The following CASP10 variants were observed in gnomAD, a reference collection of about 807,000 sequenced individuals.
The protein encoded by CASP10 is caspase 10.
Under a neutral mutation model 48.5 loss-of-function variants are expected in CASP10, and 41 were observed. The observed-to-expected ratio is 0.85, with a 90% CI of 0.66 to 1.10. The LOEUF (loss-of-function observed/expected upper bound fraction) is 1.10, where lower values mean the gene tolerates loss of function less well. Among genes scored for constraint, CASP10 ranks in the 50% least tolerant of loss-of-function variants. The pLI is 0.00. For missense variants in CASP10, 614 were observed against 614.5 expected (o/e 1.00, Z 0.01); for synonymous variants, 232 against 238.4 (o/e 0.97, Z 0.25).
At position 201,221,210 on chromosome 2, in the gene CASP10, A is replaced by T. The variant is rs1250866127; in HGVS notation, c.*3469A>T. On this transcript the variant is annotated 3_prime_UTR_variant, in exon 10 of 10. Coordinates refer to ENST00000286186, the MANE Select transcript of CASP10 (RefSeq NM_032977.4). ...CCTGACATACTCTGAGTAAGATCTA[A>T]TTCTTCCCTCACTGGTTCGTGATGT... is the stretch of plus-strand genomic sequence containing the variant. 2.2e-5 allele frequency: 22 copies of T among 985,226 alleles called. No homozygotes were observed. The highest frequency in any genetic ancestry group is 2.5e-5 in the Non-Finnish European group (21 of 829,928). 61.0% of individuals were successfully genotyped at this position (985,226 alleles called of 1,614,324 possible). A position where few individuals can be genotyped will look rare whatever the true frequency, so the allele number is the denominator to read the frequency against.
At chr2:201,192,785 G>A (rs571210662) in intron 3 of CASP10, among the ~76,000 whole-genome samples, 199 bp from the exon 4 acceptor site, 2 of 152,080 alleles carry the variant, frequency 1.3e-5, no homozygotes, top group Non-Finnish European at 2.9e-5. Flanking sequence ...TATATATTTG[G>A]TATCTGGTAT....
chr2:201,200,847 C>A, intron 5 of CASP10: 1 of 665,592 alleles, frequency 1.5e-6, no homozygotes, highest in Non-Finnish European at 1.9e-6. Context: ...GAAAATAGCC[C>A]TTGATTCAAT....
intron 4 of CASP10, among the ~76,000 whole-genome samples, chr2:201,194,147 T>C (rs1277415538): frequency 6.6e-6 from 1 of 151,858 alleles, no homozygotes; most frequent in Non-Finnish European, 1.5e-5. Flanking sequence ...ATAAAGGTAG[T>C]TCTGCTGTGA....
exon 10 of CASP10, chr2:201,229,234 T>C: frequency 1.2e-6 from 1 of 834,064 alleles, no homozygotes; most frequent in Non-Finnish European, 2.0e-6. Flanking sequence ...ACTCTTCTGT[T>C]CCCTTACTGT....
intron 2 of CASP10, chr2:201,186,420 A>G: frequency 2.4e-6 from 1 of 409,524 alleles, no homozygotes; most frequent in Non-Finnish European, 4.6e-6. Flanking sequence ...CCTGCTTACC[A>G]GCGGCTACAC....
At chr2:201,192,888 A>T in intron 3 of CASP10, 96 bp from the exon 4 acceptor site, 1 of 1,240,344 alleles carries the variant, frequency 8.1e-7, no homozygotes, top group Non-Finnish European at 1.2e-6. Flanking sequence ...CTTATTTATC[A>T]GTGCAAAACC....
chr2:201,219,360 T>C lies in CASP10; in HGVS notation c.*1619T>C. The C allele has an allele frequency of 1.3e-6, 1 of 782,188 alleles. No homozygotes were observed. Among genetic ancestry groups the C allele is most frequent in the Non-Finnish European group, 1.6e-6 (1 of 644,574 alleles). The allele number at this position is 782,188 out of a possible 1,614,324, so 48.5% of individuals were successfully genotyped here. On this transcript the variant is annotated 3_prime_UTR_variant, in exon 10 of 10. Transcript: ENST00000286186. ...TGACTGAAGCAAAGAAGGGAATTTA[T>C]TGCCTCTTTCACATTGAAACCCAGG...
At chr2:201,203,267 G>C (rs1429482815) in intron 5 of CASP10, among the ~76,000 whole-genome samples, 12 of 151,818 alleles carry the variant, frequency 7.9e-5, no homozygotes, top group Admixed American at 7.9e-4. Context: ...CCTTTGGATG[G>C]AGAGAGTTGG....
chr2:201,184,386 C>T (rs1212222460), intron 1 of CASP10, among the ~76,000 whole-genome samples: 1 of 151,984 alleles, frequency 6.6e-6, no homozygotes, highest in Admixed American at 6.6e-5. Flanking sequence ...TGCAGTGGCA[C>T]AATCATGGCT....
rs1945617413 is a variant in CASP10 at position 201,217,723 on chromosome 2, G to A, written c.1551G>A (p.Leu517=). 2 of 1,613,974 alleles carry A rather than the reference G, an allele frequency of 1.2e-6. No homozygotes were observed. Among genetic ancestry groups the A allele is most frequent in the East Asian group, 4.5e-5 (2 of 44,876 alleles). The part of the protein sequence containing the change: ...LRKKLVFPVP[L]DALSL ...AAAAACTAGTATTCCCTGTGCCCCT[G>A]GATGCACTTTCATTATAGCAGAGAG... Residue 517 remains leucine (L), a synonymous_variant, in exon 10 of 10, where the codon CTG becomes CTA. Coordinates refer to ENST00000286186, the MANE Select transcript of CASP10 (RefSeq NM_032977.4).
At chr2:201,214,611 A>G (rs1029696789) in intron 9 of CASP10, 6 of 152,134 alleles carry the variant, frequency 3.9e-5, no homozygotes, top group Admixed American at 3.3e-4. Context: ...ATTTTTAGAG[A>G]GTCATGTTAT....
intron 9 of CASP10, chr2:201,214,386 T>C (rs1945501660): frequency 6.6e-6 from 1 of 152,170 alleles, no homozygotes; most frequent in Non-Finnish European, 1.5e-5. Context: ...ACAGGGTTTT[T>C]TCCATAGGGG....
chr2:201,207,938 A>C (rs1328889424), intron 7 of CASP10, 137 bp from the exon 8 acceptor site: 3 of 702,822 alleles, frequency 4.3e-6, no homozygotes, highest in Non-Finnish European at 7.8e-6. Context: ...AACAACAACA[A>C]AAACATGGTT....
At chr2:201,202,054 G>T (rs970615818) in intron 5 of CASP10, among the ~76,000 whole-genome samples, 4 of 152,144 alleles carry the variant, frequency 2.6e-5, no homozygotes, top group African/African-American at 9.7e-5. Context: ...GTTTCGCCAT[G>T]TTGGCCAGGC....
chr2:201,208,682 G>GT (rs1047912405), intron 8 of CASP10, among the ~76,000 whole-genome samples: 12 of 150,264 alleles, frequency 8.0e-5, no homozygotes, highest in East Asian at 3.9e-4. Context: ...CATTGTTTCA[G>GT]TTTTTTTTTT....
intron 7 of CASP10, among the ~76,000 whole-genome samples, chr2:201,207,415 G>A (rs1168645956): frequency 6.6e-6 from 1 of 151,836 alleles, no homozygotes; most frequent in African/African-American, 2.4e-5. Flanking sequence ...GAGGTCAGGA[G>A]TTCAAGACCA....
rs1945639151 is a variant in CASP10, at chr2:201,218,397, G to T, written c.*656G>T. 19 of 885,982 alleles carry T rather than the reference G, an allele frequency of 2.1e-5. No homozygotes were observed. The highest frequency in any genetic ancestry group is 2.6e-5 in the Non-Finnish European group (19 of 739,210). 54.9% of individuals were successfully genotyped at this position (885,982 alleles called of 1,614,324 possible). A position where few individuals can be genotyped will look rare whatever the true frequency, so the allele number is the denominator to read the frequency against. On this transcript the variant is annotated 3_prime_UTR_variant, in exon 10 of 10. Coordinates refer to ENST00000286186, the MANE Select transcript of CASP10 (RefSeq NM_032977.4). ...TGTTCACTGCAGCCTTGACCTCCCA[G>T]GTTCAAGCGATCCTCCCACCTCAGC...
intron 7 of CASP10, 28 bp downstream of exon 7, chr2:201,206,001 T>A: frequency 6.7e-7 from 1 of 1,488,540 alleles, no homozygotes; most frequent in Non-Finnish European, 9.3e-7. Context: ...TATTCCTTTT[T>A]TAATAAAAAA....
Position 201,209,214 on chromosome 2 carries a change from T to C in CASP10, c.1067T>C (p.Leu356Pro), listed in dbSNP as rs1191486334. ...GGGGACTGCTTCGTGTTCTGTATTC[T>C]GACCCATGGGAGATTTGGAGCTGTC... ...ADGDCFVFCI[L>P]THGRFGAVYS... Residue 356 changes from leucine to proline, a missense_variant, in exon 9 of 10, where the codon CTG becomes CCG. Coordinates refer to ENST00000286186, the MANE Select transcript of CASP10 (RefSeq NM_032977.4). 1.2e-6 allele frequency: 2 copies of C among 1,614,022 alleles called. No individual in the cohort carries two copies. The highest frequency in any genetic ancestry group is 1.7e-5 in the Admixed American group (1 of 59,994).
Sources: gnomAD v4.1 joint callset for allele counts (sites outside exome capture counted in the v4.1 genomes callset) on GRCh38, gnomAD v4.1.1 for gene constraint, MANE v1.5 for transcripts, NCBI Gene and HGNC (gene_info 2026-07-23, HGNC 2026-07-21) for gene names.